The following C12orf56 variants were observed in gnomAD, a reference collection of about 807,000 sequenced individuals.
C12orf56 encodes uncharacterized protein C12orf56.
In C12orf56, 71 loss-of-function variants were observed where a neutral mutation model predicts 69.9. That is an observed-to-expected ratio of 1.02 (90% CI 0.84 to 1.24). The LOEUF (loss-of-function observed/expected upper bound fraction) is 1.24, where lower values mean the gene tolerates loss of function less well. Among genes scored for constraint, C12orf56 ranks in the 50% most tolerant of loss-of-function variants. The pLI is 0.00. For synonymous variants in C12orf56, 276 were observed against 274.1 expected (o/e 1.01, Z -0.07); for missense variants, 732 against 738.5 (o/e 0.99, Z 0.10).
At chr12:64,354,757 G>A (rs956285413) in intron 1 of C12orf56, among the ~76,000 whole-genome samples, 5 of 138,994 alleles carry the variant, frequency 3.6e-5, no homozygotes, top group South Asian at 5.3e-4. Context: ...GTGAGCCACC[G>A]CACCTGGTCT....
At chr12:64,308,927 AGAAAGAAAGAAAGAAG>A (rs1375395842) in intron 5 of C12orf56, among the ~76,000 whole-genome samples, 12 of 68,688 alleles carry the variant, frequency 1.7e-4, no homozygotes, top group South Asian at 1.3e-3. Flanking sequence ...AAAGAAAGAA[AGAAAGAAAGAAAGAAG>A]AAAGAAAGAA....
chr12:64,330,895 A>G, intron 3 of C12orf56, 65 bp downstream of exon 3: 1 of 1,352,806 alleles, frequency 7.4e-7, no homozygotes, highest in Non-Finnish European at 1.0e-6. Context: ...ATTAAGAAAA[A>G]CAAGTTACAA....
At chr12:64,338,407 G>A in intron 2 of C12orf56, 1 of 732,696 alleles carries the variant, frequency 1.4e-6, no homozygotes, top group Non-Finnish European at 2.6e-6. Context: ...CATCGTTTTT[G>A]GTGGCAACTT....
intron 1 of C12orf56, among the ~76,000 whole-genome samples, chr12:64,384,604 G>A (rs897287673): frequency 2.0e-5 from 3 of 152,178 alleles, no homozygotes; most frequent in Non-Finnish European, 4.4e-5. Flanking sequence ...TACCTAGAGA[G>A]CAGATATTCA....
At chr12:64,360,825 G>GT (rs1334768023) in intron 1 of C12orf56, among the ~76,000 whole-genome samples, 2 of 152,048 alleles carry the variant, frequency 1.3e-5, no homozygotes, top group South Asian at 2.1e-4. Context: ...AGGAAACATA[G>GT]TTTTTTTTCC....
chr12:64,358,686 C>T (rs891397756), intron 1 of C12orf56, among the ~76,000 whole-genome samples: 35 of 151,378 alleles, frequency 2.3e-4, no homozygotes, highest in African/African-American at 7.0e-4. Context: ...CCCAGCTACT[C>T]GGGAGGCTGA....
chr12:64,267,838 T>C (rs2037935214), intron 12 of C12orf56, among the ~76,000 whole-genome samples: 1 of 152,148 alleles, frequency 6.6e-6, no homozygotes, highest in South Asian at 2.1e-4. Context: ...GCCAGACAAA[T>C]GGAAACAGAA....
intron 6 of C12orf56, among the ~76,000 whole-genome samples, chr12:64,293,984 CTG>C (rs1278867985): frequency 6.6e-6 from 1 of 152,184 alleles, no homozygotes; most frequent in Non-Finnish European, 1.5e-5. Flanking sequence ...ACTCTTCAAA[CTG>C]TATCTTTAAA....
At chr12:64,388,034 A>C (rs2039817172) in intron 1 of C12orf56, among the ~76,000 whole-genome samples, 1 of 152,066 alleles carries the variant, frequency 6.6e-6, no homozygotes, top group Non-Finnish European at 1.5e-5. Context: ...CAACGGCGCC[A>C]TCTCAGCTCA....
intron 1 of C12orf56, among the ~76,000 whole-genome samples, chr12:64,365,939 G>A (rs1419792994): frequency 7.7e-6 from 1 of 129,240 alleles, no homozygotes; most frequent in Non-Finnish European, 1.5e-5. Context: ...TATGTATAGT[G>A]TATATATTAT....
In C12orf56 at chr12:64,390,502, G is replaced by T. The variant is rs781625732; in HGVS notation, c.64C>A (p.Arg22=). 7 of 1,601,278 alleles carry T rather than the reference G, an allele frequency of 4.4e-6. No individual in the cohort carries two copies. The highest frequency in any genetic ancestry group is 5.1e-6 in the Non-Finnish European group (6 of 1,179,500). ...RRNSRLDVFL[R]RHLPPEVYDA... Reference sequence around the variant, plus strand: ...TAGACCTCGGGCGGCAGATGCCGCCGCAGGAACACATCCAGGCGGCTGTTC... The same window carrying T: ...TAGACCTCGGGCGGCAGATGCCGCCTCAGGAACACATCCAGGCGGCTGTTC... The change falls in exon 1 of 13, where the codon CGG becomes AGG. Residue 22 remains arginine, a synonymous_variant. Coordinates refer to ENST00000543942, the MANE Select transcript of C12orf56 (RefSeq NM_001170633.2).
At position 64,328,679 on chromosome 12, in the gene C12orf56, C is replaced by CAAAA. The variant is rs59688148; in HGVS notation, c.488+2277_488+2280dup. 8.9e-3 allele frequency among the ~76,000 whole-genome samples: 513 copies of CAAAA among 57,824 alleles called. 55 individuals are homozygous for CAAAA. The highest frequency in any genetic ancestry group is 0.012 in the Non-Finnish European group (389 of 31,748). 37.9% of individuals were successfully genotyped at this position (57,824 alleles called of 152,430 possible). A position where few individuals can be genotyped will look rare whatever the true frequency, so the allele number is the denominator to read the frequency against. On this transcript the variant is annotated intron_variant, in intron 3 of 12. Coordinates refer to ENST00000543942, the MANE Select transcript of C12orf56 (RefSeq NM_001170633.2). ...TGGGCGACAGTGCAAGACTCCATCT[C>CAAAA]AAAAAAAAAAAAAAAAAAAAAAAAA...
At chr12:64,359,358 A>G (rs1236610830) in intron 1 of C12orf56, among the ~76,000 whole-genome samples, 1 of 152,192 alleles carries the variant, frequency 6.6e-6, no homozygotes, top group Non-Finnish European at 1.5e-5. Context: ...CATGTCACAT[A>G]AAAAATAAAT....
chr12:64,387,225 A>G (rs1302184261), intron 1 of C12orf56, among the ~76,000 whole-genome samples: 1 of 151,792 alleles, frequency 6.6e-6, no homozygotes, highest in Non-Finnish European at 1.5e-5. Flanking sequence ...TCCATGTAAC[A>G]TATTCACAGG....
chr12:64,274,854 TTTAA>T, intron 11 of C12orf56, 43 bp downstream of exon 11: 1 of 1,434,146 alleles, frequency 7.0e-7, no homozygotes, highest in Non-Finnish European at 9.7e-7. Context: ...AGAGTATCTG[TTTAA>T]TTAGGCTTGG....
Position 64,318,857 on chromosome 12 carries a change from G to A in C12orf56, c.612C>T (p.Ser204=). 1 of 1,537,250 alleles carries A rather than the reference G, an allele frequency of 6.5e-7. No homozygotes were observed. The highest frequency in any genetic ancestry group is 2.0e-5 in the Admixed American group (1 of 50,988). The change falls in exon 4 of 13, where the codon AGC becomes AGT. Residue 204 remains serine (S), a synonymous_variant. Transcript: ENST00000543942. ...FRPLPSPSRR[S]SQSAPTTGKA... ...TGCCAGTTGTTGGTGCAGACTGAGA[G>A]CTCCTCCTGGAGGGGGAAGGTAGGG...
chr12:64,336,826 A>G (rs2039002961), intron 2 of C12orf56, among the ~76,000 whole-genome samples: 1 of 152,112 alleles, frequency 6.6e-6, no homozygotes, highest in Non-Finnish European at 1.5e-5. Flanking sequence ...AGCTCCTTGG[A>G]CCTTCATCCT....
intron 1 of C12orf56, 34 bp downstream of exon 1, chr12:64,390,280 C>T: frequency 6.4e-7 from 1 of 1,568,742 alleles, no homozygotes. Context: ...TCTCACTGCG[C>T]TCCCGAGCCC....
chr12:64,356,807 A>G (rs555730609), intron 1 of C12orf56, among the ~76,000 whole-genome samples: 5 of 152,202 alleles, frequency 3.3e-5, no homozygotes, highest in Admixed American at 6.6e-5. Flanking sequence ...AGCTGAACAT[A>G]CTAACATACT....
Sources: allele counts gnomAD v4.1 joint callset (sites outside exome capture counted in the v4.1 genomes callset), GRCh38; gene constraint gnomAD v4.1.1; transcripts MANE v1.5; gene names NCBI Gene and HGNC (gene_info 2026-07-23, HGNC 2026-07-21).